MYO5B: variants seen among roughly 807,000 people sequenced by gnomAD.
MYO5B encodes myosin VB.
A neutral mutation model predicts 229.3 loss-of-function variants in MYO5B; 143 were observed. The ratio of observed to expected loss-of-function variants is 0.62; its 90% CI spans 0.54 to 0.72. MYO5B has a LOEUF of 0.72. Among genes scored for constraint, MYO5B ranks in the 30% least tolerant of loss-of-function variants. The pLI, the probability that MYO5B is intolerant of heterozygous loss-of-function variation, is 0.00. For synonymous variants in MYO5B, 918 were observed against 885.2 expected (o/e 1.04, Z -0.66); for missense variants, 2,321 against 2,331.0 (o/e 1.00, Z 0.09).
At chr18:49,857,894 A>C (rs1237565555) in intron 29 of MYO5B, among the ~76,000 whole-genome samples, 1 of 151,994 alleles carries the variant, frequency 6.6e-6, no homozygotes, top group Non-Finnish European at 1.5e-5. Context: ...ACTCTGCCGC[A>C]CCTCCCTGCT....
At chr18:50,075,154 G>C (rs1465705404) in intron 1 of MYO5B, among the ~76,000 whole-genome samples, 2 of 152,110 alleles carry the variant, frequency 1.3e-5, no homozygotes, top group Non-Finnish European at 2.9e-5. Context: ...ATATTTGTAG[G>C]GGACACCATT....
Position 49,902,577 on chromosome 18 carries a change from G to T in MYO5B, c.2811+17C>A. ...CCCAAGCCCCCGACACCCAGGTAGGGAGCTGCAGACACTGACCTGCTCATC... is the reference window on the plus strand; with the variant it reads ...CCCAAGCCCCCGACACCCAGGTAGGTAGCTGCAGACACTGACCTGCTCATC... On this transcript the variant is annotated intron_variant, in intron 21 of 39. Transcript: ENST00000285039. 1 of 1,609,518 alleles carries T rather than the reference G, an allele frequency of 6.2e-7. No individual in the cohort carries two copies. Among genetic ancestry groups the T allele is most frequent in the South Asian group, 1.1e-5 (1 of 91,028 alleles).
intron 4 of MYO5B, among the ~76,000 whole-genome samples, chr18:50,013,367 G>C (rs1051848465): frequency 1.3e-5 from 2 of 152,106 alleles, no homozygotes; most frequent in Non-Finnish European, 2.9e-5. Flanking sequence ...CAGCACCTTA[G>C]GCTTCTGAGG....
At chr18:49,931,723 T>TG (rs1430316299) in intron 16 of MYO5B, among the ~76,000 whole-genome samples, 2 of 152,186 alleles carry the variant, frequency 1.3e-5, no homozygotes, top group Non-Finnish European at 2.9e-5. Flanking sequence ...CGGCTGCCCA[T>TG]GACTGCGAGT....
intron 24 of MYO5B, among the ~76,000 whole-genome samples, chr18:49,878,577 C>A (rs1251088095): frequency 6.6e-6 from 1 of 152,116 alleles, no homozygotes; most frequent in Non-Finnish European, 1.5e-5. Flanking sequence ...TTAGGAGACA[C>A]AATCAGGCCC....
chr18:49,823,594 CA>C lies in MYO5B; in HGVS notation c.*2876del, dbSNP rs935354529. ...AGCTCCTAGTTTTGTTTTGTTTTTACAAAAGCCTTAAAATTTAGTACTAGGG... is the reference window on the plus strand; with the variant it reads ...AGCTCCTAGTTTTGTTTTGTTTTTACAAAGCCTTAAAATTTAGTACTAGGG... On this transcript the variant is annotated 3_prime_UTR_variant, in exon 40 of 40. Coordinates refer to ENST00000285039, the MANE Select transcript of MYO5B (RefSeq NM_001080467.3). 8 of 149,492 alleles carry C rather than the reference CA, an allele frequency of 5.4e-5. No individual in the cohort carries two copies. Among genetic ancestry groups the C allele is most frequent in the African/African-American group, 2.0e-4 (8 of 40,556 alleles). The allele number at this position is 149,492 out of a possible 1,614,324, so 9.3% of individuals were successfully genotyped here. A position where few individuals can be genotyped will look rare whatever the true frequency, so the allele number is the denominator to read the frequency against.
intron 10 of MYO5B, among the ~76,000 whole-genome samples, chr18:49,968,637 C>A (rs2025654287): frequency 6.6e-6 from 1 of 152,004 alleles, no homozygotes; most frequent in African/African-American, 2.4e-5. Flanking sequence ...TTCAGACCCA[C>A]AATAAAACTT....
chr18:50,172,741 C>A (rs573046111), intron 1 of MYO5B, among the ~76,000 whole-genome samples: 3 of 152,326 alleles, frequency 2.0e-5, no homozygotes, highest in Admixed American at 6.5e-5. Flanking sequence ...ACCTCAGGAT[C>A]CAGGTGAGGA....
At chr18:50,135,336 C>T (rs1461091077) in intron 1 of MYO5B, among the ~76,000 whole-genome samples, 2 of 152,202 alleles carry the variant, frequency 1.3e-5, no homozygotes, top group African/African-American at 4.8e-5. Flanking sequence ...ACCTTTCAAC[C>T]TACAAAGTTT....
chr18:49,914,932 G>A (rs999247829), intron 17 of MYO5B, among the ~76,000 whole-genome samples: 1 of 152,088 alleles, frequency 6.6e-6, no homozygotes, highest in Non-Finnish European at 1.5e-5. Context: ...CCAGCATTGC[G>A]GCCCTTGGGT....
At chr18:50,136,927 A>G (rs1342524701) in intron 1 of MYO5B, among the ~76,000 whole-genome samples, 1 of 152,242 alleles carries the variant, frequency 6.6e-6, no homozygotes, top group Non-Finnish European at 1.5e-5. Context: ...GAATATCTAT[A>G]GGCCCTGTTA....
intron 1 of MYO5B, among the ~76,000 whole-genome samples, chr18:50,084,835 T>C (rs1005285259): frequency 1.3e-5 from 2 of 152,176 alleles, no homozygotes; most frequent in Admixed American, 6.5e-5. Flanking sequence ...ATTTAATAAA[T>C]GGTGCTGGGA....
intron 37 of MYO5B, among the ~76,000 whole-genome samples, 188 bp downstream of exon 37, chr18:49,837,329 T>C (rs1294530062): frequency 6.6e-6 from 1 of 152,254 alleles, no homozygotes; most frequent in East Asian, 1.9e-4. Context: ...AAGTCAACCA[T>C]CTCAGTGTTC....
chr18:49,929,196 CA>C (rs1291998793), intron 17 of MYO5B, among the ~76,000 whole-genome samples: 1 of 152,110 alleles, frequency 6.6e-6, no homozygotes, highest in African/African-American at 2.4e-5. Flanking sequence ...GTAAAGGGGA[CA>C]AGGTAGGAAT....
In MYO5B at chr18:49,879,180, G is replaced by A. The variant is rs530459108; in HGVS notation, c.3131-90C>T. 31 of 1,546,430 alleles carry A rather than the reference G, an allele frequency of 2.0e-5. No individual in the cohort carries two copies. In the African/African-American group the frequency reaches 3.9e-4, roughly 20 times the overall value. On this transcript the variant is annotated intron_variant, in intron 23 of 39. Transcript: ENST00000285039. ...TTTTCCGATTAATCTCTTGTTAAGA[G>A]GCTGCCCATGACGAGCTCATCAGAG...
Position 49,826,379 on chromosome 18 carries a change from A to G in MYO5B, c.*92T>C. ...TCAATCTCTGATTTGATCTACTTTT[A>G]CCAGATTTAACAGATCCTTGAATTT... On this transcript the variant is annotated 3_prime_UTR_variant, in exon 40 of 40. Transcript: ENST00000285039. 1.4e-6 allele frequency: 2 copies of G among 1,476,352 alleles called. No individual in the cohort carries two copies. The highest frequency in any genetic ancestry group is 2.4e-5 in the South Asian group (2 of 83,886). The allele number at this position is 1,476,352 out of a possible 1,614,324, so 91.5% of individuals were successfully genotyped here. A position where few individuals can be genotyped will look rare whatever the true frequency, so the allele number is the denominator to read the frequency against.
chr18:49,989,028 C>T (rs2025900898), intron 7 of MYO5B, among the ~76,000 whole-genome samples: 1 of 152,104 alleles, frequency 6.6e-6, no homozygotes, highest in South Asian at 2.1e-4. Context: ...GCCTCCCAGC[C>T]CTCCTCAGCT....
chr18:50,191,267 A>C (rs1236211063), intron 1 of MYO5B, among the ~76,000 whole-genome samples: 2 of 152,188 alleles, frequency 1.3e-5, no homozygotes, highest in East Asian at 3.8e-4. Context: ...AAATCTCCTT[A>C]ATTTCATAAT....
chr18:49,888,529 G>A (rs1165530790), intron 22 of MYO5B, among the ~76,000 whole-genome samples: 1 of 152,184 alleles, frequency 6.6e-6, no homozygotes, highest in Non-Finnish European at 1.5e-5. Flanking sequence ...ACGGGTTTGG[G>A]AATGTGAAGA....
Sources: allele counts gnomAD v4.1 joint callset (sites outside exome capture counted in the v4.1 genomes callset), GRCh38; gene constraint gnomAD v4.1.1; transcripts MANE v1.5; gene names NCBI Gene and HGNC (gene_info 2026-07-23, HGNC 2026-07-21).